The following CHODL variants were observed in gnomAD, a reference collection of about 807,000 sequenced individuals.
The protein encoded by CHODL is chondrolectin.
In CHODL, 29 loss-of-function variants were observed where a neutral mutation model predicts 34.5. The observed-to-expected ratio is 0.84, with a 90% CI of 0.63 to 1.15. CHODL has a LOEUF of 1.15. Ranked by LOEUF, CHODL falls within the 50% of genes most tolerant of loss-of-function variation. CHODL has a pLI of 0.00. For missense variants in CHODL, 332 were observed against 332.5 expected, an observed-to-expected ratio of 1.00 and a Z score of 0.01; for synonymous variants, 125 against 116.1, an observed-to-expected ratio of 1.08 and a Z score of -0.49.
At chr21:18,068,081 A>G (rs1434034531) in intron 2 of CHODL, among the ~76,000 whole-genome samples, 1 of 152,150 alleles carries the variant, frequency 6.6e-6, no homozygotes, top group East Asian at 1.9e-4. Context: ...TAAATAAAAT[A>G]AATGCACAAC....
At chr21:17,925,855 G>A (rs908432572) in intron 1 of CHODL, among the ~76,000 whole-genome samples, 4 of 152,038 alleles carry the variant, frequency 2.6e-5, no homozygotes. Context: ...TCTTTTATTG[G>A]TTATTTTCAA....
chr21:17,951,272 A>G (rs948911270), intron 1 of CHODL, among the ~76,000 whole-genome samples: 1 of 152,146 alleles, frequency 6.6e-6, no homozygotes, highest in East Asian at 1.9e-4. Flanking sequence ...CACAGGGCTG[A>G]TATCTTTGAT....
chr21:18,178,803 T>A (rs1336762732), intron 2 of CHODL, among the ~76,000 whole-genome samples: 1 of 152,200 alleles, frequency 6.6e-6, no homozygotes, highest in Non-Finnish European at 1.5e-5. Flanking sequence ...ATAAATGGCC[T>A]GTGCAGTTCA....
intron 1 of CHODL, among the ~76,000 whole-genome samples, chr21:17,994,239 T>G (rs1260415207): frequency 6.6e-6 from 1 of 152,210 alleles, no homozygotes; most frequent in African/African-American, 2.4e-5. Flanking sequence ...GTTAGTTCTG[T>G]GTGAACCAGT....
At chr21:18,125,007 C>T (rs965436343) in intron 2 of CHODL, among the ~76,000 whole-genome samples, 1 of 152,214 alleles carries the variant, frequency 6.6e-6, no homozygotes, top group African/African-American at 2.4e-5. Context: ...CTCAAAAAAA[C>T]TTCCTACCTT....
At chr21:17,940,819 T>A (rs143468595) in intron 1 of CHODL, among the ~76,000 whole-genome samples, 5 of 152,320 alleles carry the variant, frequency 3.3e-5, no homozygotes, top group African/African-American at 1.2e-4. Flanking sequence ...ACGCTCTTCA[T>A]CCCCTCTATG....
intron 2 of CHODL, among the ~76,000 whole-genome samples, chr21:18,141,515 G>T (rs530571909): frequency 6.6e-6 from 1 of 152,100 alleles, no homozygotes; most frequent in South Asian, 2.1e-4. Context: ...CACAGAAGAT[G>T]ATTGGATTTG....
Position 18,262,902 on chromosome 21 carries a change from C to G in CHODL, c.737+9C>G. On this transcript the variant is annotated intron_variant, in intron 5 of 5. Coordinates refer to ENST00000299295, the MANE Select transcript of CHODL (RefSeq NM_024944.3). ...CAGATGCTGCATAAAAGGTAAATAA[C>G]TCATATATGTAGAGACAATTTGAAA... 1 of 1,481,436 alleles carries G rather than the reference C, an allele frequency of 6.8e-7. No individual in the cohort carries two copies. Among genetic ancestry groups the G allele is most frequent in the Non-Finnish European group, 9.4e-7 (1 of 1,060,320 alleles). The allele number at this position is 1,481,436 out of a possible 1,614,324, so 91.8% of individuals were successfully genotyped here. A position where few individuals can be genotyped will look rare whatever the true frequency, so the allele number is the denominator to read the frequency against.
chr21:17,938,776 C>T (rs1315702735), intron 1 of CHODL, among the ~76,000 whole-genome samples: 1 of 151,962 alleles, frequency 6.6e-6, no homozygotes, highest in East Asian at 1.9e-4. Context: ...CGGCGCCCGG[C>T]CGAAACCCAC....
intron 1 of CHODL, among the ~76,000 whole-genome samples, chr21:18,026,040 T>G (rs1391451652): frequency 6.6e-6 from 1 of 152,226 alleles, no homozygotes; most frequent in African/African-American, 2.4e-5. Context: ...TTGGTTTATT[T>G]CCAGCCACTG....
chr21:17,937,305 G>C (rs1272744108), intron 1 of CHODL, among the ~76,000 whole-genome samples: 1 of 152,122 alleles, frequency 6.6e-6, no homozygotes, highest in Non-Finnish European at 1.5e-5. Context: ...AGAATACCTG[G>C]TTGTGATTAC....
chr21:18,202,936 C>T (rs1438429320), intron 2 of CHODL, among the ~76,000 whole-genome samples: 1 of 151,986 alleles, frequency 6.6e-6, no homozygotes, highest in Non-Finnish European at 1.5e-5. Flanking sequence ...CAGTTCTTAG[C>T]GTGAATAATT....
intron 1 of CHODL, among the ~76,000 whole-genome samples, chr21:17,934,479 T>A (rs1349080122): frequency 6.6e-6 from 1 of 152,166 alleles, no homozygotes; most frequent in Non-Finnish European, 1.5e-5. Flanking sequence ...CATAAATGTT[T>A]TAAGCTTGGG....
chr21:18,028,525 CCATCT>C (rs1428513195), intron 2 of CHODL, among the ~76,000 whole-genome samples: 8 of 151,292 alleles, frequency 5.3e-5, no homozygotes, highest in Admixed American at 6.6e-5. Context: ...TGGTGAAACC[CCATCT>C]CTACTAAAAA....
intron 2 of CHODL, among the ~76,000 whole-genome samples, chr21:18,139,090 T>C (rs949037365): frequency 6.6e-6 from 1 of 152,134 alleles, no homozygotes; most frequent in Non-Finnish European, 1.5e-5. Flanking sequence ...TAAAAGCCTA[T>C]GAGTATGTTT....
intron 2 of CHODL, among the ~76,000 whole-genome samples, chr21:18,085,910 T>C (rs1409922272): frequency 6.6e-6 from 1 of 152,106 alleles, no homozygotes; most frequent in Non-Finnish European, 1.5e-5. Flanking sequence ...TTGCAAGACA[T>C]GGGAAGTTTT....
At chr21:18,149,579 A>C (rs1324196282) in intron 2 of CHODL, among the ~76,000 whole-genome samples, 1 of 152,212 alleles carries the variant, frequency 6.6e-6, no homozygotes, top group Non-Finnish European at 1.5e-5. Flanking sequence ...CTGCAGTCTA[A>C]ATAGGCAAGA....
chr21:18,224,698 T>C (rs749887804), intron 2 of CHODL, among the ~76,000 whole-genome samples: 2 of 152,186 alleles, frequency 1.3e-5, no homozygotes, highest in Non-Finnish European at 2.9e-5. Flanking sequence ...TGTTGAAAAT[T>C]GCAATTTCCT....
At chr21:18,145,330 G>T (rs974917868) in intron 2 of CHODL, among the ~76,000 whole-genome samples, 1 of 148,310 alleles carries the variant, frequency 6.7e-6, no homozygotes, top group African/African-American at 2.5e-5. Context: ...CCAGCTACTC[G>T]GGAGGCTGAG....
Sources: gnomAD v4.1 joint callset for allele counts (sites outside exome capture counted in the v4.1 genomes callset) on GRCh38, gnomAD v4.1.1 for gene constraint, MANE v1.5 for transcripts, NCBI Gene and HGNC (gene_info 2026-07-23, HGNC 2026-07-21) for gene names.